CSF2RB: variants seen among roughly 807,000 people sequenced by gnomAD.
CSF2RB encodes the protein colony stimulating factor 2 receptor subunit beta, also known as cytokine receptor common subunit beta.
In CSF2RB, 22 loss-of-function variants were observed where a neutral mutation model predicts 67.2. The ratio of observed to expected loss-of-function variants is 0.33; its 90% CI spans 0.23 to 0.47. CSF2RB has a LOEUF of 0.47. Among genes scored for constraint, CSF2RB ranks in the 20% least tolerant of loss-of-function variants. The pLI is 1.00. For synonymous variants in CSF2RB, 507 were observed against 482.9 expected (o/e 1.05, Z -0.65); for missense variants, 1,113 against 1,174.5 (o/e 0.95, Z 0.76).
intron 3 of CSF2RB, chr22:36,923,749 T>A: frequency 1.5e-6 from 2 of 1,300,484 alleles, no homozygotes; most frequent in Non-Finnish European, 2.0e-6. Flanking sequence ...TGCCTGCCTG[T>A]CCAGAGTAGA....
chr22:36,935,654 G>A lies in CSF2RB; in HGVS notation c.1431G>A (p.Lys477=). 6.2e-7 allele frequency: 1 copy of A among 1,614,204 alleles called. No individual in the cohort carries two copies. The highest frequency in any genetic ancestry group is 8.5e-7 in the Non-Finnish European group (1 of 1,180,034). Residue 477 remains lysine (K), a synonymous_variant, in exon 12 of 14, where the codon AAG becomes AAA. Transcript: ENST00000403662. ...GYRLRRKWEE[K]IPNPSKSHLF... Reference sequence around the variant, plus strand: ...GGCTGCGCAGAAAGTGGGAGGAGAAGATCCCCAACCCCAGCAAGAGCCACC... The same window carrying A: ...GGCTGCGCAGAAAGTGGGAGGAGAAAATCCCCAACCCCAGCAAGAGCCACC...
At chr22:36,923,408 G>T (rs756766865) in intron 3 of CSF2RB, 41 bp downstream of exon 3, 1 of 1,604,074 alleles carries the variant, frequency 6.2e-7, no homozygotes. Flanking sequence ...CAGGGGCTAC[G>T]ACGTCCCCTG....
At position 36,922,283 on chromosome 22, in the gene CSF2RB, G is replaced by A. The variant is rs552520189; in HGVS notation, c.76G>A (p.Glu26Lys). ...CWERSLAGAEETIPLQTLRCY... is the reference protein window; with the variant it reads ...CWERSLAGAEKTIPLQTLRCY... ...GGAGCGCAGCCTGGCAGGGGCAGAA[G>A]GTGAGTCCCGTGGCTCCCACCCACT... is the stretch of plus-strand genomic sequence containing the variant. Residue 26 changes from glutamate (E) to lysine (K), a missense_variant and splice_region_variant, in exon 2 of 14, where the codon GAA (glutamate) becomes AAA (lysine). By Grantham distance (56) the Glu-to-Lys change is moderately conservative. Coordinates refer to ENST00000403662, the MANE Select transcript of CSF2RB (RefSeq NM_000395.3). 6.4e-7 allele frequency: 1 copy of A among 1,572,920 alleles called. No homozygotes were observed. Among genetic ancestry groups the A allele is most frequent in the Admixed American group, 1.8e-5 (1 of 54,208 alleles).
chr22:36,917,644 T>C (rs932716436), intron 1 of CSF2RB, among the ~76,000 whole-genome samples: 2 of 152,122 alleles, frequency 1.3e-5, no homozygotes, highest in African/African-American at 4.8e-5. Context: ...ATTTTCTGGG[T>C]CGGGCACAGT....
rs1941354591 is a variant in CSF2RB at position 36,940,121 on chromosome 22, C to T, written c.*1619C>T. The T allele has an allele frequency of 6.6e-6, 1 of 152,170 alleles. No homozygotes were observed. Among genetic ancestry groups the T allele is most frequent in the South Asian group, 2.1e-4 (1 of 4,834 alleles). 9.4% of individuals were successfully genotyped at this position (152,170 alleles called of 1,614,324 possible). ...TTCCTATTTTGTTACCTTGCTTTCTCTATGGCATCCACCATTTTGATTGTT... is the reference window on the plus strand; with the variant it reads ...TTCCTATTTTGTTACCTTGCTTTCTTTATGGCATCCACCATTTTGATTGTT... On this transcript the variant is annotated 3_prime_UTR_variant, in exon 14 of 14. Coordinates refer to ENST00000403662, the MANE Select transcript of CSF2RB (RefSeq NM_000395.3).
chr22:36,926,203 G>C, intron 4 of CSF2RB, 26 bp downstream of exon 4: 1 of 1,612,026 alleles, frequency 6.2e-7, no homozygotes, highest in Non-Finnish European at 8.5e-7. Flanking sequence ...CCCTGCCCGG[G>C]GCTTGGTTTC....
rs1247900161 is a variant in CSF2RB at position 36,940,435 on chromosome 22, T to C, written c.*1933T>C. 1 of 152,178 alleles carries C rather than the reference T, an allele frequency of 6.6e-6. No homozygotes were observed. The highest frequency in any genetic ancestry group is 1.5e-5 in the Non-Finnish European group (1 of 68,018). The allele number at this position is 152,178 out of a possible 1,614,324, so 9.4% of individuals were successfully genotyped here. On this transcript the variant is annotated 3_prime_UTR_variant, in exon 14 of 14. Transcript: ENST00000403662. ...AAATTGCAATAAAATATTTGTAACATAAAACAAAGTGAAACCCTGAATTTG... is the reference window on the plus strand; with the variant it reads ...AAATTGCAATAAAATATTTGTAACACAAAACAAAGTGAAACCCTGAATTTG...
intron 3 of CSF2RB, chr22:36,923,781 C>G (rs1940940164): frequency 7.7e-7 from 1 of 1,292,230 alleles, no homozygotes; most frequent in African/African-American, 1.5e-5. Flanking sequence ...TGGCGCTAGC[C>G]TGGGAGTTCA....
chr22:36,936,761 G>T, intron 13 of CSF2RB, 109 bp downstream of exon 13: 1 of 915,818 alleles, frequency 1.1e-6, no homozygotes, highest in Non-Finnish European at 1.7e-6. Context: ...ACTGTGAAGG[G>T]ATCCAAGGGA....
rs370411972 is a variant in CSF2RB at position 36,933,946 on chromosome 22, G to A, written c.1267G>A (p.Gly423Arg). 1.9e-6 allele frequency: 3 copies of A among 1,612,712 alleles called. No individual in the cohort carries two copies. The highest frequency in any genetic ancestry group is 2.5e-6 in the Non-Finnish European group (3 of 1,179,990). ...CAGGACCTCCCGCACCGGCTACAAC[G>A]GGATCTGGAGCGAGTGGAGTGAGGC... Reference protein sequence around the residue: ...RVRTSRTGYNGIWSEWSEARS... With the variant: ...RVRTSRTGYNRIWSEWSEARS... Residue 423 changes from glycine (G) to arginine (R), a missense_variant, in exon 10 of 14, where the codon GGG becomes AGG. By Grantham distance (125) the Gly-to-Arg change is moderately radical. Coordinates refer to ENST00000403662, the MANE Select transcript of CSF2RB (RefSeq NM_000395.3).
chr22:36,935,690 A>G lies in CSF2RB; in HGVS notation c.1464+3A>G. ...CCAGCAAGAGCCACCTGTTCCAGGT[A>G]GGAACTGGCTGCGAGGGGCGGAGTG... On this transcript the variant is annotated splice_donor_region_variant and intron_variant, in intron 12 of 13. Coordinates refer to ENST00000403662, the MANE Select transcript of CSF2RB (RefSeq NM_000395.3). The G allele has an allele frequency of 1.2e-6, 2 of 1,613,952 alleles. No homozygotes were observed. Among genetic ancestry groups the G allele is most frequent in the Non-Finnish European group, 1.7e-6 (2 of 1,179,970 alleles).
intron 9 of CSF2RB, 119 bp from the exon 10 acceptor site, chr22:36,933,713 A>G: frequency 1.5e-6 from 2 of 1,368,358 alleles, no homozygotes; most frequent in South Asian, 2.5e-5. Flanking sequence ...GAGAAGCCGC[A>G]GCAGGCCTGG....
chr22:36,938,079 C>G lies in CSF2RB; in HGVS notation c.2271C>G (p.Gly757=). 1 of 1,614,114 alleles carries G rather than the reference C, an allele frequency of 6.2e-7. No homozygotes were observed. The highest frequency in any genetic ancestry group is 2.2e-5 in the East Asian group (1 of 44,878). ...CCAGTGGACCCCCTGGAGCCCCAGG[C>G]CCTGTGAAGTCAGGGTTTGAGGGCT... is the stretch of plus-strand genomic sequence containing the variant. ...GLASGPPGAP[G]PVKSGFEGYV... Residue 757 remains glycine (G), a synonymous_variant, in exon 14 of 14, where the codon GGC becomes GGG. Transcript: ENST00000403662.
At position 36,933,974 on chromosome 22, in the gene CSF2RB, G is replaced by T; in HGVS notation, c.1295G>T (p.Arg432Leu). ...ATCTGGAGCGAGTGGAGTGAGGCGC[G>T]CTCCTGGGACACCGAGTCGGGTAGG... ...NGIWSEWSEA[R>L]SWDTESVLPM... Residue 432 changes from arginine to leucine, a missense_variant, in exon 10 of 14, where the codon CGC (arginine) becomes CTC (leucine). Coordinates refer to ENST00000403662, the MANE Select transcript of CSF2RB (RefSeq NM_000395.3). The T allele has an allele frequency of 1.2e-6, 2 of 1,612,696 alleles. No individual in the cohort carries two copies. The highest frequency in any genetic ancestry group is 1.7e-6 in the Non-Finnish European group (2 of 1,179,988).
At chr22:36,924,545 A>C (rs916029960) in intron 3 of CSF2RB, among the ~76,000 whole-genome samples, 2 of 152,096 alleles carry the variant, frequency 1.3e-5, no homozygotes, top group Admixed American at 1.3e-4. Flanking sequence ...TTCCTTTGAC[A>C]GCAGCATTCC....
chr22:36,931,183 C>G (rs1335397290), intron 8 of CSF2RB, among the ~76,000 whole-genome samples: 8 of 152,194 alleles, frequency 5.3e-5, no homozygotes, highest in Non-Finnish European at 1.5e-5. Context: ...CGAAATTCCC[C>G]ACCGACTGAT....
chr22:36,930,961 T>A, intron 8 of CSF2RB, 131 bp downstream of exon 8: 1 of 1,116,402 alleles, frequency 9.0e-7, no homozygotes, highest in Non-Finnish European at 1.3e-6. Flanking sequence ...TGCAGTCCAG[T>A]GACCAAAAGT....
chr22:36,919,172 A>G (rs1243651131), intron 1 of CSF2RB, among the ~76,000 whole-genome samples: 1 of 152,182 alleles, frequency 6.6e-6, no homozygotes, highest in Non-Finnish European at 1.5e-5. Flanking sequence ...TGCCAGGAGG[A>G]AAGGGACACG....
chr22:36,932,708 G>T, intron 8 of CSF2RB, 57 bp from the exon 9 acceptor site: 1 of 1,591,684 alleles, frequency 6.3e-7, no homozygotes, highest in East Asian at 2.2e-5. Flanking sequence ...GAGACACGGG[G>T]AATGTTCCGT....
Sources: allele counts gnomAD v4.1 joint callset (sites outside exome capture counted in the v4.1 genomes callset), GRCh38; gene constraint gnomAD v4.1.1; transcripts MANE v1.5; gene names NCBI Gene and HGNC (gene_info 2026-07-23, HGNC 2026-07-21).